The following NALF1 variants were observed in gnomAD, a reference collection of about 807,000 sequenced individuals.
The protein encoded by NALF1 is family with sequence similarity 155 member A.
Under a neutral mutation model 48.4 loss-of-function variants are expected in NALF1, and 3 were observed. That is an observed-to-expected ratio of 0.06 (90% CI 0.03 to 0.16). NALF1 has a LOEUF of 0.16. NALF1 is among the 10% of genes least tolerant of loss of function. The probability of loss-of-function intolerance (pLI) is 1.00; values close to 1 mark genes in which losing one functional copy is unlikely to be tolerated. For synonymous variants in NALF1, 262 were observed against 245.7 expected (o/e 1.07, Z -0.62); for missense variants, 526 against 571.5 (o/e 0.92, Z 0.81).
intron 1 of NALF1, among the ~76,000 whole-genome samples, chr13:107,843,511 A>G (rs1481649370): frequency 2.6e-5 from 4 of 152,204 alleles, no homozygotes; most frequent in African/African-American, 9.6e-5. Flanking sequence ...CTGGAAACTT[A>G]TCTGCAATGC....
intron 1 of NALF1, among the ~76,000 whole-genome samples, chr13:107,648,555 T>C (rs1304416946): frequency 6.6e-6 from 1 of 152,172 alleles, no homozygotes; most frequent in African/African-American, 2.4e-5. Context: ...ATTGTATAGA[T>C]ATACAAAAGT....
intron 1 of NALF1, among the ~76,000 whole-genome samples, chr13:107,469,733 C>CTT (rs61241553): frequency 0.16 from 12,992 of 79,824 alleles, 3,605 homozygotes; most frequent in East Asian, 0.23. Flanking sequence ...AACTGTGTAT[C>CTT]TTTTTTTTTT....
chr13:107,462,443 C>T (rs1272247547), intron 1 of NALF1, among the ~76,000 whole-genome samples: 1 of 152,080 alleles, frequency 6.6e-6, no homozygotes, highest in East Asian at 1.9e-4. Flanking sequence ...ATACAACCAC[C>T]CAACAAAGAT....
At chr13:107,661,369 G>A (rs903692095) in intron 1 of NALF1, among the ~76,000 whole-genome samples, 2 of 152,122 alleles carry the variant, frequency 1.3e-5, no homozygotes, top group African/African-American at 2.4e-5. Flanking sequence ...ATGCCTTATT[G>A]TTAGCTTGGG....
intron 1 of NALF1, among the ~76,000 whole-genome samples, chr13:107,662,457 T>C (rs186976106): frequency 1.3e-5 from 2 of 152,322 alleles, no homozygotes; most frequent in East Asian, 1.9e-4. Flanking sequence ...CTGTTAATGC[T>C]TTCTGTTAAT....
chr13:107,726,044 T>G (rs1458481303), intron 1 of NALF1, among the ~76,000 whole-genome samples: 1 of 152,170 alleles, frequency 6.6e-6, no homozygotes. Flanking sequence ...TGGGTGTGCC[T>G]GCATGTGGCC....
chr13:107,600,603 GTTAC>G (rs2138424295), intron 1 of NALF1, among the ~76,000 whole-genome samples: 1 of 152,282 alleles, frequency 6.6e-6, no homozygotes, highest in South Asian at 2.1e-4. Flanking sequence ...TTGTGTATCA[GTTAC>G]TTACAGTGGT....
intron 1 of NALF1, among the ~76,000 whole-genome samples, chr13:107,433,430 C>G (rs983894706): frequency 1.3e-5 from 2 of 151,998 alleles, no homozygotes; most frequent in Non-Finnish European, 2.9e-5. Flanking sequence ...CATTATATAT[C>G]AAATTAATCT....
intron 1 of NALF1, among the ~76,000 whole-genome samples, chr13:107,233,023 C>T (rs1880259463): frequency 1.3e-5 from 2 of 152,124 alleles, no homozygotes; most frequent in Non-Finnish European, 2.9e-5. Context: ...ACCTTCAGTC[C>T]CCATATTCTT....
intron 1 of NALF1, among the ~76,000 whole-genome samples, chr13:107,434,420 A>G (rs1884431769): frequency 6.6e-6 from 1 of 152,208 alleles, no homozygotes; most frequent in Admixed American, 6.5e-5. Context: ...CACTAACCAG[A>G]AATTTATGTT....
chr13:107,787,002 C>A (rs907108460), intron 1 of NALF1, among the ~76,000 whole-genome samples: 2 of 152,120 alleles, frequency 1.3e-5, no homozygotes, highest in African/African-American at 4.8e-5. Context: ...GAGATTCATA[C>A]CCTGAGTGGT....
intron 2 of NALF1, among the ~76,000 whole-genome samples, chr13:107,172,672 C>T (rs995970520): frequency 7.9e-5 from 12 of 152,072 alleles, no homozygotes; most frequent in Non-Finnish European, 1.6e-4. Context: ...TATCTCACTG[C>T]TAGACTAATC....
At chr13:107,364,894 T>C (rs532611745) in intron 1 of NALF1, among the ~76,000 whole-genome samples, 2 of 151,040 alleles carry the variant, frequency 1.3e-5, no homozygotes, top group East Asian at 4.0e-4. Context: ...TTCTTCCTTC[T>C]TTCTTCTCCT....
At chr13:107,533,918 G>C (rs1876720664) in intron 1 of NALF1, among the ~76,000 whole-genome samples, 2 of 152,074 alleles carry the variant, frequency 1.3e-5, no homozygotes, top group African/African-American at 4.8e-5. Context: ...ACATTAATGG[G>C]AAATGGGGAG....
chr13:107,756,383 T>G (rs888965828), intron 1 of NALF1, among the ~76,000 whole-genome samples: 6 of 150,676 alleles, frequency 4.0e-5, no homozygotes, highest in Non-Finnish European at 7.4e-5. Flanking sequence ...GGATGTAGGG[T>G]AGAGACTAGC....
intron 1 of NALF1, among the ~76,000 whole-genome samples, chr13:107,528,794 C>T (rs1031936436): frequency 2.6e-5 from 4 of 152,192 alleles, no homozygotes; most frequent in East Asian, 1.9e-4. Flanking sequence ...GTCATCACGA[C>T]GATTCATTAA....
chr13:107,266,891 G>A (rs1460236901), intron 1 of NALF1, among the ~76,000 whole-genome samples: 5 of 152,148 alleles, frequency 3.3e-5, no homozygotes, highest in African/African-American at 1.2e-4. Context: ...GGGCTGTCTG[G>A]CAATGCCTTC....
chr13:107,538,666 T>A (rs1479358739), intron 1 of NALF1, among the ~76,000 whole-genome samples: 2 of 152,162 alleles, frequency 1.3e-5, no homozygotes, highest in Non-Finnish European at 2.9e-5. Flanking sequence ...GGACAATATA[T>A]CTCAAGATTC....
In NALF1 at chr13:107,866,495, C is replaced by T. The variant is rs1286697501; in HGVS notation, c.102G>A (p.Arg34=). The part of the protein sequence containing the change: ...ENEKPFIDSE[R]AQKWRLSLAS... ...CCAGAGACAGTCGCCATTTCTGAGC[C>T]CTCTCGGAATCGATGAACGGTTTCT... Residue 34 remains arginine, a synonymous_variant, in exon 1 of 3, where the codon AGG becomes AGA. Transcript: ENST00000375915. The surrounding 1 kb of genome is among the most constrained non-coding windows in gnomAD (Gnocchi z 4.4). 6 of 1,614,012 alleles carry T rather than the reference C, an allele frequency of 3.7e-6. No individual in the cohort carries two copies. Among genetic ancestry groups the T allele is most frequent in the Non-Finnish European group, 4.2e-6 (5 of 1,180,002 alleles).
Sources: gnomAD v4.1 joint callset for allele counts (sites outside exome capture counted in the v4.1 genomes callset) on GRCh38, gnomAD v4.1.1 for gene constraint, Gnocchi (gnomAD v3.1) non-coding constraint, MANE v1.5 for transcripts, NCBI Gene and HGNC (gene_info 2026-07-23, HGNC 2026-07-21) for gene names.